GK5: variants seen among roughly 807,000 people sequenced by gnomAD.
GK5 encodes the protein ATP:glycerol 3-phosphotransferase 5.
Under a neutral mutation model 77.3 loss-of-function variants are expected in GK5, and 39 were observed. The ratio of observed to expected loss-of-function variants is 0.50; its 90% confidence interval spans 0.39 to 0.66. GK5 has a LOEUF of 0.66. GK5 is among the 30% of genes least tolerant of loss of function. The pLI, the probability that GK5 is intolerant of heterozygous loss-of-function variation, is 0.00. For synonymous variants in GK5, 211 were observed against 208.0 expected (o/e 1.01, Z -0.13); for missense variants, 487 against 633.8 (o/e 0.77, Z 2.49).
At chr3:142,183,226 G>A (rs1431251090) in intron 9 of GK5, 177 bp from the exon 10 acceptor site, 2 of 557,904 alleles carry the variant, frequency 3.6e-6, no homozygotes, top group South Asian at 2.5e-5. Context: ...TAGGATAGGA[G>A]TCTCCCTAGG....
intron 1 of GK5, among the ~76,000 whole-genome samples, chr3:142,217,278 C>T (rs1208334542): frequency 1.3e-5 from 2 of 151,708 alleles, no homozygotes; most frequent in African/African-American, 4.8e-5. Flanking sequence ...ATCAGGACAT[C>T]ATGAAGAATG....
Position 142,215,703 on chromosome 3 carries a change from AAAG to A in GK5, c.148-14_148-12del, listed in dbSNP as rs774134780. 2.8e-6 allele frequency: 4 copies of A among 1,417,138 alleles called. No homozygotes were observed. Among genetic ancestry groups the A allele is most frequent in the Non-Finnish European group, 4.0e-6 (4 of 1,006,274 alleles). 87.8% of individuals were successfully genotyped at this position (1,417,138 alleles called of 1,614,324 possible). A position where few individuals can be genotyped will look rare whatever the true frequency, so the allele number is the denominator to read the frequency against. On this transcript the variant is annotated splice_polypyrimidine_tract_variant and intron_variant, in intron 1 of 15. Transcript: ENST00000392993. The stretch of plus-strand genomic sequence containing the variant: ...ATAAAGATTTTCTACCTATTAAGGA[AAAG>A]AAGATTTAGTAAAAACAGCATTAGA...
At chr3:142,210,413 G>A (rs1266505695) in intron 3 of GK5, among the ~76,000 whole-genome samples, 1 of 152,098 alleles carries the variant, frequency 6.6e-6, no homozygotes, top group Admixed American at 6.5e-5. Context: ...CATCTGTGTT[G>A]TGTCCCGGCT....
chr3:142,185,993 CA>C lies in GK5; in HGVS notation c.756-5del. The C allele has an allele frequency of 6.3e-7, 1 of 1,599,856 alleles. No individual in the cohort carries two copies. Among genetic ancestry groups the C allele is most frequent in the South Asian group, 1.1e-5 (1 of 89,374 alleles). Reference sequence around the variant, plus strand: ...ATCCACTGATCCAAAATTGTGGCTTCAAATAAAATTCATTAAAAAGTTAGTT... The same window carrying C: ...ATCCACTGATCCAAAATTGTGGCTTCAATAAAATTCATTAAAAAGTTAGTT... On this transcript the variant is annotated splice_region_variant and splice_polypyrimidine_tract_variant and intron_variant, in intron 8 of 15. Coordinates refer to ENST00000392993, the MANE Select transcript of GK5 (RefSeq NM_001039547.3).
chr3:142,203,431 A>G (rs1212843976), intron 4 of GK5, among the ~76,000 whole-genome samples: 3 of 152,208 alleles, frequency 2.0e-5, no homozygotes, highest in African/African-American at 7.2e-5. Context: ...ATCTGATACC[A>G]GTACACTAGC....
chr3:142,165,563 C>T lies in GK5; in HGVS notation c.*59G>A. The T allele has an allele frequency of 7.6e-7, 1 of 1,310,956 alleles. No individual in the cohort carries two copies. Among genetic ancestry groups the T allele is most frequent in the Admixed American group, 2.4e-5 (1 of 41,950 alleles). 81.2% of individuals were successfully genotyped at this position (1,310,956 alleles called of 1,614,324 possible). On this transcript the variant is annotated 3_prime_UTR_variant, in exon 16 of 16. Transcript: ENST00000392993. Reference sequence around the variant, plus strand: ...TGTCATATGGGTTATCCCTGAGCTTCATCTCATCTGCACGTCACATAAACC... The same window carrying T: ...TGTCATATGGGTTATCCCTGAGCTTTATCTCATCTGCACGTCACATAAACC...
chr3:142,186,513 C>T lies in GK5; in HGVS notation c.620G>A (p.Gly207Asp), dbSNP rs1383921805. Residue 207 changes from glycine (G) to aspartate (D), a missense_variant and splice_region_variant, in exon 7 of 16, where the codon GGT becomes GAT. By Grantham distance (94) the Gly-to-Asp change is moderately conservative. Around this residue, in one of 4 missense-constraint regions of GK5, gnomAD observed 323 missense variants for 437.4 expected, o/e 0.74. Transcript: ENST00000392993. ...DTWLLYKLTK[G>D]SVYATDFSNA... The stretch of plus-strand genomic sequence containing the variant: ...TGAAAAATCTGTGGCATATACAGAA[C>T]CTAAATTTAAATAGGAAATAATACA... 1 of 1,478,936 alleles carries T rather than the reference C, an allele frequency of 6.8e-7. No individual in the cohort carries two copies. The allele number at this position is 1,478,936 out of a possible 1,614,324, so 91.6% of individuals were successfully genotyped here.
rs1159029254 is a variant in GK5, at chr3:142,187,691, A to T, written c.619+13T>A. ...TTCGGTTATTTAAAATAGATCTTTC[A>T]GGTCATCTTTACCTTTTGTGAGCTT... On this transcript the variant is annotated intron_variant, in intron 6 of 15. Coordinates refer to ENST00000392993, the MANE Select transcript of GK5 (RefSeq NM_001039547.3). 6.4e-7 allele frequency: 1 copy of T among 1,570,090 alleles called. No homozygotes were observed. The highest frequency in any genetic ancestry group is 8.7e-7 in the Non-Finnish European group (1 of 1,145,520).
chr3:142,185,635 T>G, intron 9 of GK5: 1 of 1,180,344 alleles, frequency 8.5e-7, no homozygotes, highest in Non-Finnish European at 1.1e-6. Flanking sequence ...TAAATACCAC[T>G]CAGAATTAAA....
intron 3 of GK5, among the ~76,000 whole-genome samples, chr3:142,212,355 G>A (rs543263083): frequency 3.3e-5 from 5 of 151,904 alleles, no homozygotes; most frequent in Admixed American, 2.0e-4. Context: ...GCAATATGGT[G>A]AAACCCCGTC....
At position 142,186,438 on chromosome 3, in the gene GK5, A is replaced by G. The variant is rs768631649; in HGVS notation, c.681+14T>C. On this transcript the variant is annotated intron_variant, in intron 7 of 15. Transcript: ENST00000392993. ...AAAATGTGTGATTCAAAAAGAAGAA[A>G]AAAAAATTTTTACCTTATATGGGTC... 4.0e-6 allele frequency: 6 copies of G among 1,483,380 alleles called. No individual in the cohort carries two copies. The African/African-American group carries it at 7.1e-5, about 18-fold the overall frequency. 91.9% of individuals were successfully genotyped at this position (1,483,380 alleles called of 1,614,324 possible). A position where few individuals can be genotyped will look rare whatever the true frequency, so the allele number is the denominator to read the frequency against.
At chr3:142,170,191 T>C (rs1164397455) in intron 15 of GK5, 134 bp downstream of exon 15, 1 of 884,838 alleles carries the variant, frequency 1.1e-6, no homozygotes, top group Admixed American at 1.7e-5. Context: ...GTGAGTAATA[T>C]GCATATGTGT....
intron 13 of GK5, 34 bp downstream of exon 13, chr3:142,172,319 T>C (rs557747783): frequency 2.4e-5 from 23 of 977,742 alleles, no homozygotes; most frequent in Admixed American, 1.7e-4. Flanking sequence ...CAATATTCTA[T>C]GGGGAAGGGG....
intron 5 of GK5, among the ~76,000 whole-genome samples, chr3:142,191,657 G>T (rs1281669515): frequency 6.6e-6 from 1 of 152,044 alleles, no homozygotes; most frequent in East Asian, 1.9e-4. Flanking sequence ...GGCCAATATG[G>T]TGAAACCCCA....
At chr3:142,196,504 TG>T (rs1215530689) in intron 5 of GK5, among the ~76,000 whole-genome samples, 5 of 152,198 alleles carry the variant, frequency 3.3e-5, no homozygotes, top group Admixed American at 3.3e-4. Context: ...TAATAAGTTT[TG>T]GTATGTTGTA....
At chr3:142,218,410 G>A (rs978347042) in intron 1 of GK5, among the ~76,000 whole-genome samples, 7 of 148,356 alleles carry the variant, frequency 4.7e-5, no homozygotes, top group African/African-American at 1.7e-4. Flanking sequence ...GGGTGTGGCA[G>A]TGGTACCTGT....
chr3:142,214,771 G>T (rs2064248406), intron 2 of GK5, among the ~76,000 whole-genome samples: 1 of 152,126 alleles, frequency 6.6e-6, no homozygotes, highest in Admixed American at 6.5e-5. Context: ...TGAAGACAGA[G>T]TATTAGAAAA....
At chr3:142,194,282 T>C (rs2063898857) in intron 5 of GK5, among the ~76,000 whole-genome samples, 1 of 151,904 alleles carries the variant, frequency 6.6e-6, no homozygotes. Context: ...TCCCAGCACT[T>C]TGGAAGGTCG....
intron 5 of GK5, among the ~76,000 whole-genome samples, chr3:142,196,940 C>A (rs1374597763): frequency 6.6e-6 from 1 of 152,172 alleles, no homozygotes; most frequent in East Asian, 1.9e-4. Flanking sequence ...GTAATCCCAG[C>A]ACTTTGGGAG....
Sources: allele counts gnomAD v4.1 joint callset (sites outside exome capture counted in the v4.1 genomes callset), GRCh38; gene constraint gnomAD v4.1.1; regional missense constraint gnomAD v4.1.1; transcripts MANE v1.5; gene names NCBI Gene and HGNC (gene_info 2026-07-23, HGNC 2026-07-21).